The following KCNH7 variants were observed in gnomAD, a reference collection of about 807,000 sequenced individuals.
The protein encoded by KCNH7 is potassium voltage-gated channel subfamily H member 7, also known as voltage-gated inwardly rectifying potassium channel KCNH7.
A neutral mutation model predicts 120.8 loss-of-function variants in KCNH7; 49 were observed. The ratio of observed to expected loss-of-function variants is 0.41; its 90% CI spans 0.32 to 0.51. The LOEUF is 0.51. KCNH7 is among the 20% of genes least tolerant of loss of function. The pLI is 0.38. For missense variants in KCNH7, 1,097 were observed against 1,446.6 expected (o/e 0.76, Z 3.92); for synonymous variants, 547 against 516.1 (o/e 1.06, Z -0.81).
At chr2:162,702,347 C>G (rs1453532462) in intron 2 of KCNH7, among the ~76,000 whole-genome samples, 1 of 152,040 alleles carries the variant, frequency 6.6e-6, no homozygotes, top group Non-Finnish European at 1.5e-5. Context: ...AGATAAACCA[C>G]AGTAGTAAAA....
At chr2:162,458,429 C>T (rs1471807770) in intron 6 of KCNH7, among the ~76,000 whole-genome samples, 1 of 152,080 alleles carries the variant, frequency 6.6e-6, no homozygotes, top group Admixed American at 6.6e-5. Context: ...TGTCTCGCAG[C>T]TCCTATGCCA....
At chr2:162,598,411 T>C (rs189644205) in intron 2 of KCNH7, among the ~76,000 whole-genome samples, 113 of 152,196 alleles carry the variant, frequency 7.4e-4, no homozygotes, top group Admixed American at 6.6e-3. Context: ...GATAAATATC[T>C]ACATTCACAA....
intron 9 of KCNH7, among the ~76,000 whole-genome samples, chr2:162,404,948 A>T (rs1480729615): frequency 6.6e-6 from 1 of 152,002 alleles, no homozygotes; most frequent in African/African-American, 2.4e-5. Context: ...CCCACACTCT[A>T]CTTTCACATC....
At chr2:162,818,050 T>C (rs1290782317) in intron 2 of KCNH7, among the ~76,000 whole-genome samples, 8 of 152,036 alleles carry the variant, frequency 5.3e-5, no homozygotes. Context: ...AAACTGTGTA[T>C]ATACATATAT....
At chr2:162,742,334 C>T (rs774382429) in intron 2 of KCNH7, among the ~76,000 whole-genome samples, 7 of 152,022 alleles carry the variant, frequency 4.6e-5, no homozygotes, top group African/African-American at 1.4e-4. Context: ...TGGGCTTCCC[C>T]TCACTTCCTT....
intron 2 of KCNH7, among the ~76,000 whole-genome samples, chr2:162,679,298 A>G (rs1005410799): frequency 6.6e-6 from 1 of 151,660 alleles, no homozygotes; most frequent in Admixed American, 6.6e-5. Flanking sequence ...GAACTGTTCA[A>G]CAATTTTAAT....
intron 2 of KCNH7, among the ~76,000 whole-genome samples, chr2:162,718,599 G>T (rs1303744460): frequency 2.6e-5 from 4 of 151,910 alleles, no homozygotes; most frequent in Non-Finnish European, 5.9e-5. Flanking sequence ...CTCATAAAGT[G>T]GCTCTGGAAG....
chr2:162,777,328 A>G (rs1294601342), intron 2 of KCNH7, among the ~76,000 whole-genome samples: 1 of 152,110 alleles, frequency 6.6e-6, no homozygotes, highest in African/African-American at 2.4e-5. Flanking sequence ...ACTGAATACA[A>G]TGTAAATGCC....
At chr2:162,470,648 G>C (rs1163666509) in intron 6 of KCNH7, among the ~76,000 whole-genome samples, 3 of 151,112 alleles carry the variant, frequency 2.0e-5, no homozygotes, top group East Asian at 4.0e-4. Flanking sequence ...CGCCCGGCCA[G>C]CCGCCCCGTC....
intron 2 of KCNH7, among the ~76,000 whole-genome samples, chr2:162,780,344 T>G (rs993206529): frequency 2.0e-5 from 3 of 152,336 alleles, no homozygotes; most frequent in East Asian, 1.9e-4. Flanking sequence ...TGTATTTTAC[T>G]GCATGATTGT....
intron 2 of KCNH7, among the ~76,000 whole-genome samples, chr2:162,689,802 C>T (rs1686036741): frequency 6.6e-6 from 1 of 151,958 alleles, no homozygotes. Context: ...TTTAACATTC[C>T]AGTGGTTCTA....
chr2:162,446,515 A>G, intron 6 of KCNH7, 72 bp from the exon 7 acceptor site: 7 of 1,108,744 alleles, frequency 6.3e-6, no homozygotes, highest in Non-Finnish European at 8.9e-6. Flanking sequence ...ATCAAATATT[A>G]AGGGAACTAA....
intron 2 of KCNH7, among the ~76,000 whole-genome samples, chr2:162,585,795 A>G (rs1168205458): frequency 1.3e-5 from 2 of 151,996 alleles, no homozygotes; most frequent in African/African-American, 4.8e-5. Context: ...ATTAAGGCAA[A>G]TAAGAATAGT....
intron 2 of KCNH7, among the ~76,000 whole-genome samples, chr2:162,670,143 G>A (rs1462507002): frequency 6.6e-6 from 1 of 151,032 alleles, no homozygotes. Flanking sequence ...CCAAAAGAAT[G>A]TTTGAAATGC....
At chr2:162,781,487 C>G (rs1044576900) in intron 2 of KCNH7, among the ~76,000 whole-genome samples, 26 of 151,290 alleles carry the variant, frequency 1.7e-4, no homozygotes, top group African/African-American at 6.1e-4. Context: ...TTCTGATAAT[C>G]TAAGAGAATG....
intron 2 of KCNH7, among the ~76,000 whole-genome samples, chr2:162,759,600 A>G (rs1574351588): frequency 6.6e-6 from 1 of 152,074 alleles, no homozygotes; most frequent in Non-Finnish European, 1.5e-5. Context: ...TTGATTGGAA[A>G]TAAGTTGCAA....
At chr2:162,423,106 A>G in intron 9 of KCNH7, 2 of 838,670 alleles carry the variant, frequency 2.4e-6, no homozygotes, top group Non-Finnish European at 3.6e-6. Context: ...ACACACAGTT[A>G]TATCAGTTTG....
chr2:162,495,149 T>C (rs1311336825), intron 6 of KCNH7, among the ~76,000 whole-genome samples: 1 of 152,166 alleles, frequency 6.6e-6, no homozygotes, highest in Non-Finnish European at 1.5e-5. Context: ...TATCTTTTTA[T>C]AACAGGTCAC....
At chr2:162,659,936 T>C (rs1258098864) in intron 2 of KCNH7, among the ~76,000 whole-genome samples, 1 of 152,162 alleles carries the variant, frequency 6.6e-6, no homozygotes, top group African/African-American at 2.4e-5. Flanking sequence ...TTTGGAAGAT[T>C]ATTTTCTTTT....
Sources: allele counts gnomAD v4.1 joint callset (sites outside exome capture counted in the v4.1 genomes callset), GRCh38; gene constraint gnomAD v4.1.1; transcripts MANE v1.5; gene names NCBI Gene and HGNC (gene_info 2026-07-23, HGNC 2026-07-21).